Variants in KIAA0586 observed in about 807,000 individuals in gnomAD.
The protein encoded by KIAA0586 is protein TALPID3.
In KIAA0586, 144 loss-of-function variants were observed where a neutral mutation model predicts 169.8. The ratio of observed to expected loss-of-function variants is 0.85; its 90% CI spans 0.74 to 0.97. The LOEUF (loss-of-function observed/expected upper bound fraction) is 0.97, where lower values mean the gene tolerates loss of function less well. KIAA0586 is among the 50% of genes least tolerant of loss of function. The pLI is 0.00. For synonymous variants in KIAA0586, 625 were observed against 612.4 expected, an observed-to-expected ratio of 1.02 and a Z score of -0.30; for missense variants, 1,854 against 1,823.0, an observed-to-expected ratio of 1.02 and a Z score of -0.31.
intron 21 of KIAA0586, among the ~76,000 whole-genome samples, chr14:58,483,929 A>T (rs576128174): frequency 6.6e-6 from 1 of 152,260 alleles, no homozygotes; most frequent in South Asian, 2.1e-4. Flanking sequence ...CAAAGATTTG[A>T]TCTGTAGTTT....
intron 29 of KIAA0586, chr14:58,522,003 G>C: frequency 7.7e-7 from 1 of 1,294,884 alleles, no homozygotes; most frequent in Non-Finnish European, 1.1e-6. Flanking sequence ...CACATAGTGG[G>C]GTTTAGAAAT....
At chr14:58,531,849 A>G (rs942463423) in intron 29 of KIAA0586, among the ~76,000 whole-genome samples, 1 of 152,210 alleles carries the variant, frequency 6.6e-6, no homozygotes, top group Admixed American at 6.5e-5. Context: ...AATAATATGC[A>G]GCCATGTGTA....
intron 29 of KIAA0586, among the ~76,000 whole-genome samples, chr14:58,536,657 C>T (rs991265095): frequency 3.3e-5 from 5 of 152,146 alleles, no homozygotes; most frequent in African/African-American, 9.7e-5. Flanking sequence ...GGAAAAGGCA[C>T]AGTGTGTACA....
Position 58,547,818 on chromosome 14 carries a change from C to G in KIAA0586, c.4533C>G (p.Pro1511=), listed in dbSNP as rs1338110719. The G allele has an allele frequency of 3.1e-6, 5 of 1,613,550 alleles. No homozygotes were observed. The African/African-American group carries it at 5.3e-5, about 17-fold the overall frequency. ...TGCCACTCTCCGCTTCACAGATGCC[C>G]CCTGCCAAGATGTCAGTGATGCTGC... ...KAVPLSASQM[P]PAKMSVMLPS... Residue 1511 remains proline, a synonymous_variant, in exon 31 of 31, where the codon CCC becomes CCG. Transcript: ENST00000652326.
At chr14:58,430,777 C>G in intron 3 of KIAA0586, 60 bp downstream of exon 3, 2 of 942,612 alleles carry the variant, frequency 2.1e-6, no homozygotes, top group Non-Finnish European at 3.3e-6. Context: ...ATAAAGTTTA[C>G]TACTTTAAAA....
At chr14:58,470,759 A>C in intron 17 of KIAA0586, 36 bp downstream of exon 17, 2 of 999,448 alleles carry the variant, frequency 2.0e-6, no homozygotes, top group Non-Finnish European at 3.2e-6. Context: ...ATTTTGAGTA[A>C]TGTCTGACTG....
intron 23 of KIAA0586, 146 bp from the exon 24 acceptor site, chr14:58,488,473 CTT>C: frequency 2.3e-6 from 2 of 866,962 alleles, no homozygotes; most frequent in Non-Finnish European, 1.7e-6. Flanking sequence ...ATGAAAACAA[CTT>C]TTAAAAATCT....
At chr14:58,457,715 A>G in intron 10 of KIAA0586, 44 bp from the exon 11 acceptor site, 2 of 1,240,480 alleles carry the variant, frequency 1.6e-6, no homozygotes, top group Non-Finnish European at 1.1e-6. Context: ...GATTAAAGGA[A>G]TCGTTGTGAG....
chr14:58,471,014 G>A (rs955766723), intron 17 of KIAA0586, among the ~76,000 whole-genome samples: 5 of 151,914 alleles, frequency 3.3e-5, no homozygotes, highest in African/African-American at 9.7e-5. Flanking sequence ...ACCACGCCCG[G>A]CTAATTTTTG....
At chr14:58,538,386 C>A (rs1306550915) in intron 29 of KIAA0586, among the ~76,000 whole-genome samples, 1 of 151,992 alleles carries the variant, frequency 6.6e-6, no homozygotes, top group Non-Finnish European at 1.5e-5. Flanking sequence ...ATTTAAATAT[C>A]TTCTTATAAA....
intron 30 of KIAA0586, among the ~76,000 whole-genome samples, chr14:58,540,587 C>T (rs769111450): frequency 4.6e-5 from 7 of 152,036 alleles, no homozygotes; most frequent in Admixed American, 1.3e-4. Context: ...TTACAGGTGT[C>T]GGAACATTTA....
intron 3 of KIAA0586, among the ~76,000 whole-genome samples, chr14:58,431,284 A>G (rs1042018609): frequency 6.6e-6 from 1 of 152,020 alleles, no homozygotes; most frequent in Non-Finnish European, 1.5e-5. Context: ...TTTTTTTGAG[A>G]CGGAGTCTCC....
At position 58,453,355 on chromosome 14, in the gene KIAA0586, G is replaced by A; in HGVS notation, c.1135G>A (p.Val379Ile). ...NMEVSCHRGNVRLLEQILNNN... is the reference protein window; with the variant it reads ...NMEVSCHRGNIRLLEQILNNN... ...CTATATCTCTTCTATTTCAGGAAATGTAAGACTATTGGAACAAATTTTGAA... is the reference window on the plus strand; with the variant it reads ...CTATATCTCTTCTATTTCAGGAAATATAAGACTATTGGAACAAATTTTGAA... Residue 379 changes from valine (V) to isoleucine (I), a missense_variant, in exon 9 of 31, where the codon GTA becomes ATA. By Grantham distance (29) the Val-to-Ile change is conservative (BLOSUM62 3). Coordinates refer to ENST00000652326, the MANE Select transcript of KIAA0586 (RefSeq NM_001329943.3). 7.7e-7 allele frequency: 1 copy of A among 1,299,306 alleles called. No individual in the cohort carries two copies. The highest frequency in any genetic ancestry group is 1.1e-6 in the Non-Finnish European group (1 of 945,714). 80.5% of individuals were successfully genotyped at this position (1,299,306 alleles called of 1,614,324 possible).
rs780345522 is a variant in KIAA0586 at position 58,498,943 on chromosome 14, A to G, written c.4151A>G (p.Gln1384Arg). The G allele has an allele frequency of 6.2e-7, 1 of 1,603,520 alleles. No individual in the cohort carries two copies. The highest frequency in any genetic ancestry group is 8.5e-7 in the Non-Finnish European group (1 of 1,174,942). Residue 1384 changes from glutamine (Q) to arginine (R), a missense_variant, in exon 27 of 31, where the codon CAA becomes CGA. Physicochemically the swap from Gln to Arg is conservative, Grantham distance 43. Transcript: ENST00000652326. ...QQCDPKPLSR[Q>R]FDTVSGSIYE... ...TGTGATCCTAAACCATTATCTCGGCAATTTGACACAGTTTCAGGTAGACAC... is the reference window on the plus strand; with the variant it reads ...TGTGATCCTAAACCATTATCTCGGCGATTTGACACAGTTTCAGGTAGACAC...
the KIAA0586 span, among the ~76,000 whole-genome samples, chr14:58,558,076 A>AT: frequency 6.6e-6 from 1 of 151,140 alleles, no homozygotes; most frequent in Non-Finnish European, 1.5e-5. Flanking sequence ...TGCCCAGCTA[A>AT]TTTTTTGTAT....
At chr14:58,500,947 T>C (rs1043708481) in intron 27 of KIAA0586, among the ~76,000 whole-genome samples, 5 of 152,208 alleles carry the variant, frequency 3.3e-5, no homozygotes, top group African/African-American at 1.2e-4. Flanking sequence ...TTTTCACCAC[T>C]CTGTACATGT....
intron 15 of KIAA0586, 42 bp downstream of exon 15, chr14:58,466,071 T>G: frequency 6.5e-6 from 9 of 1,380,102 alleles, no homozygotes; most frequent in Non-Finnish European, 9.1e-6. Context: ...TTATTTTATT[T>G]ATTTATTTGT....
chr14:58,472,938 C>T (rs561888987), intron 18 of KIAA0586, among the ~76,000 whole-genome samples: 1 of 140,136 alleles, frequency 7.1e-6, no homozygotes, highest in East Asian at 2.1e-4. Context: ...GTTATTCGCT[C>T]ACAGATATGT....
At chr14:58,505,084 A>G (rs1011327667) in intron 27 of KIAA0586, among the ~76,000 whole-genome samples, 6 of 152,164 alleles carry the variant, frequency 3.9e-5, no homozygotes, top group African/African-American at 1.2e-4. Context: ...CCTTATCCCA[A>G]GTAACCCATG....
Sources: allele counts gnomAD v4.1 joint callset (sites outside exome capture counted in the v4.1 genomes callset), GRCh38; gene constraint gnomAD v4.1.1; transcripts MANE v1.5; gene names NCBI Gene and HGNC (gene_info 2026-07-23, HGNC 2026-07-21).